The following MACF1 variants were observed in gnomAD, a reference collection of about 807,000 sequenced individuals.
MACF1 encodes the protein microtubule-actin cross-linking factor 1.
MACF1 carries 193 observed loss-of-function variants against 854.8 expected under a neutral mutation model. The observed-to-expected ratio is 0.23, with a 90% CI of 0.20 to 0.25. The LOEUF (loss-of-function observed/expected upper bound fraction) is 0.25, where lower values mean the gene tolerates loss of function less well. Ranked by LOEUF, MACF1 falls within the 10% of genes least tolerant of loss-of-function variation. The probability of loss-of-function intolerance (pLI) is 1.00; values close to 1 mark genes in which losing one functional copy is unlikely to be tolerated. For synonymous variants in MACF1, 3,185 were observed against 3,226.7 expected, an observed-to-expected ratio of 0.99 and a Z score of 0.44; for missense variants, 7,722 against 8,929.1, an observed-to-expected ratio of 0.86 and a Z score of 5.45.
chr1:39,477,075 A>ATATACACTTAATG (rs1557675014), intron 97 of MACF1, among the ~76,000 whole-genome samples: 2 of 51,308 alleles, frequency 3.9e-5, no homozygotes, highest in Non-Finnish European at 6.6e-5. Flanking sequence ...ATATATATAT[A>ATATACACTTAATG]TATATATATA....
intron 37 of MACF1, 48 bp downstream of exon 37, chr1:39,336,701 T>C: frequency 1.3e-6 from 2 of 1,500,786 alleles, no homozygotes; most frequent in Non-Finnish European, 1.8e-6. Context: ...ACAATTAGTT[T>C]AATGCTAAAA....
At chr1:39,432,400 C>A in intron 66 of MACF1, 135 bp from the exon 67 acceptor site, 1 of 650,176 alleles carries the variant, frequency 1.5e-6, no homozygotes, top group African/African-American at 1.9e-5. Flanking sequence ...TGAAATTCTT[C>A]CCAGTTTTGA....
upstream of MACF1, among the ~76,000 whole-genome samples, chr1:39,202,093 A>G (rs1236147246): frequency 1.4e-5 from 2 of 145,498 alleles, no homozygotes; most frequent in African/African-American, 5.1e-5. Context: ...CAGCCTCCCA[A>G]GTAGCTGGGA....
In MACF1 at chr1:39,462,014, G is replaced by A. The variant is rs1221579415; in HGVS notation, c.21655G>A (p.Asp7219Asn). The A allele has an allele frequency of 1.2e-6, 2 of 1,613,628 alleles. No homozygotes were observed. Among genetic ancestry groups the A allele is most frequent in the Non-Finnish European group, 8.5e-7 (1 of 1,179,870 alleles). Reference protein sequence around the residue: ...PNKDAYRPTTDADKIEDEVTR... With the variant: ...PNKDAYRPTTNADKIEDEVTR... ...CAAGGATGCGTATCGACCAACAACC[G>A]ATGCAGATAAAATCGAAGATGAGGT... The change falls in exon 93 of 101, where the codon GAT becomes AAT. Residue 7219 changes from aspartate (D) to asparagine (N), a missense_variant. Physicochemically the swap from Asp to Asn is conservative, Grantham distance 23. This residue lies in a region of MACF1 where 153 missense variants were observed against 342.5 expected (regional missense o/e 0.45). Transcript: ENST00000564288.
intron 2 of MACF1, among the ~76,000 whole-genome samples, chr1:39,107,328 GT>G (rs779623131): frequency 3.8e-4 from 56 of 145,608 alleles, no homozygotes; most frequent in Non-Finnish European, 4.9e-4. Context: ...CTTTTGTTCA[GT>G]TTTTTTTTTT....
chr1:39,125,892 C>G (rs1239320924), intron 2 of MACF1, among the ~76,000 whole-genome samples: 1 of 152,182 alleles, frequency 6.6e-6, no homozygotes, highest in African/African-American at 2.4e-5. Context: ...ACTTGGAAGG[C>G]TGAGGCAGGA....
intron 2 of MACF1, chr1:39,103,552 A>G (rs1030245353): frequency 2.0e-5 from 3 of 152,922 alleles, no homozygotes; most frequent in Non-Finnish European, 4.4e-5. Flanking sequence ...TGTGCCATCA[A>G]TCAGCAACTC....
At chr1:39,280,396 A>C (rs1645520337) in intron 6 of MACF1, among the ~76,000 whole-genome samples, 1 of 152,082 alleles carries the variant, frequency 6.6e-6, no homozygotes, top group Non-Finnish European at 1.5e-5. Context: ...ACAGCATCTT[A>C]GTTTCTGCTT....
At chr1:39,453,908 A>C in intron 88 of MACF1, 58 bp downstream of exon 88, 1 of 1,533,924 alleles carries the variant, frequency 6.5e-7, no homozygotes, top group Non-Finnish European at 8.8e-7. Flanking sequence ...ACTATAGTAT[A>C]GTATAGTATT....
intron 67 of MACF1, 94 bp downstream of exon 67, chr1:39,432,748 T>C (rs1452279514): frequency 2.3e-6 from 3 of 1,283,552 alleles, no homozygotes; most frequent in Admixed American, 5.6e-5. Flanking sequence ...TGGAATAATT[T>C]AGTGGCATGA....
intron 2 of MACF1, among the ~76,000 whole-genome samples, chr1:39,108,125 G>A (rs1447828084): frequency 6.6e-6 from 1 of 151,630 alleles, no homozygotes; most frequent in Non-Finnish European, 1.5e-5. Context: ...GGAAATAAAT[G>A]CTCTCCCTTA....
At chr1:39,129,994 T>G (rs898259437) in intron 2 of MACF1, among the ~76,000 whole-genome samples, 5 of 152,334 alleles carry the variant, frequency 3.3e-5, no homozygotes, top group Non-Finnish European at 7.4e-5. Flanking sequence ...TTTTGATTGC[T>G]TGATTTAGGG....
rs1464806665 is a variant in MACF1, at chr1:39,357,392, G to A, written c.11442G>A (p.Leu3814=). 4.3e-6 allele frequency: 7 copies of A among 1,612,494 alleles called. No homozygotes were observed. The East Asian group carries it at 6.7e-5, about 15-fold the overall frequency. The change falls in exon 45 of 101, where the codon TTG becomes TTA. Residue 3814 remains leucine (L), a synonymous_variant. Transcript: ENST00000564288. ...TTTACCAGGCCCGTCACCAAGAATT[G>A]CTGTCCCAGCAGCAAAATTTCATTC... The part of the protein sequence containing the change: ...CEMMKARHQE[L]LSQQQNFILA...
At chr1:39,124,423 A>G (rs527553374) in intron 2 of MACF1, among the ~76,000 whole-genome samples, 153 of 152,320 alleles carry the variant, frequency 1.0e-3, no homozygotes, top group Non-Finnish European at 1.9e-3. Flanking sequence ...AGTAAATGAC[A>G]TGGTGCATTT....
intron 92 of MACF1, among the ~76,000 whole-genome samples, chr1:39,461,353 G>A (rs1018258852): frequency 2.0e-5 from 3 of 152,100 alleles, no homozygotes; most frequent in Non-Finnish European, 2.9e-5. Flanking sequence ...ACTGTGGGTG[G>A]TTGTAATATT....
At chr1:39,230,916 C>G (rs1644770057) in intron 1 of MACF1, among the ~76,000 whole-genome samples, 1 of 152,174 alleles carries the variant, frequency 6.6e-6, no homozygotes, top group Admixed American at 6.5e-5. Context: ...CTGCTCCCTG[C>G]TCTGCTCAAA....
Position 39,353,114 on chromosome 1 carries a change from A to C in MACF1, c.11307A>C (p.Pro3769=), listed in dbSNP as rs148218605. The C allele has an allele frequency of 3.8e-4, 620 of 1,614,140 alleles. 1 individual carries two copies. Among genetic ancestry groups the C allele is most frequent in the Admixed American group, 2.3e-3 (137 of 60,018 alleles). ...SSGGQLLTNL[P]GMEQLSGASL... ...GTGGACAGCTGCTGACCAACCTTCC[A>C]GGAATGGAGCAGCTCTCGGGAGCTA... is the stretch of plus-strand genomic sequence containing the variant. The change falls in exon 44 of 101, where the codon CCA becomes CCC. Residue 3769 remains proline (P), a synonymous_variant. Coordinates refer to ENST00000564288, the MANE Select transcript of MACF1 (RefSeq NM_001394062.1).
chr1:39,146,573 G>A (rs1643469880), intron 2 of MACF1, among the ~76,000 whole-genome samples: 1 of 152,112 alleles, frequency 6.6e-6, no homozygotes, highest in Non-Finnish European at 1.5e-5. Flanking sequence ...AGGACATTAT[G>A]TTAAGCGAAA....
At chr1:39,307,897 C>CTTTCTTTT (rs1313175382) in intron 23 of MACF1, among the ~76,000 whole-genome samples, 2 of 96,216 alleles carry the variant, frequency 2.1e-5, no homozygotes, top group South Asian at 3.2e-4. Context: ...TTCTTTCTTT[C>CTTTCTTTT]TTTCTTTTTT....
Sources: gnomAD v4.1 joint callset for allele counts (sites outside exome capture counted in the v4.1 genomes callset) on GRCh38, gnomAD v4.1.1 for gene constraint, gnomAD v4.1.1 regional missense constraint, MANE v1.5 for transcripts, NCBI Gene and HGNC (gene_info 2026-07-23, HGNC 2026-07-21) for gene names.